OLFM2: variants seen among roughly 807,000 people sequenced by gnomAD.
OLFM2 encodes the protein olfactomedin 2.
Under a neutral mutation model 43.9 loss-of-function variants are expected in OLFM2, and 20 were observed. The ratio of observed to expected loss-of-function variants is 0.46; its 90% CI spans 0.32 to 0.66. The LOEUF is 0.66. Ranked by LOEUF, OLFM2 falls within the 30% of genes least tolerant of loss-of-function variation. The pLI, the probability that OLFM2 is intolerant of heterozygous loss-of-function variation, is 0.04. For synonymous variants in OLFM2, 268 were observed against 278.6 expected (o/e 0.96, Z 0.38); for missense variants, 416 against 643.6 (o/e 0.65, Z 3.83).
At position 9,902,382 on chromosome 19, in the gene OLFM2, C is replaced by CTT. The variant is rs376869987; in HGVS notation, c.63+33920_63+33921dup. ...TATATCTGTGTTTACTTGCCTTCAT[C>CTT]TTTTTTTTTTTTTTTTTTGAGATGG... On this transcript the variant is annotated intron_variant, in intron 1 of 5. Transcript: ENST00000264833. 2.9e-3 allele frequency among the ~76,000 whole-genome samples: 359 copies of CTT among 122,662 alleles called. 6 individuals carry two copies. Among genetic ancestry groups the CTT allele is most frequent in the African/African-American group, 8.8e-3 (285 of 32,382 alleles). 80.5% of individuals were successfully genotyped at this position (122,662 alleles called of 152,430 possible).
At chr19:9,888,249 G>A (rs1452186113) in intron 1 of OLFM2, among the ~76,000 whole-genome samples, 2 of 152,066 alleles carry the variant, frequency 1.3e-5, no homozygotes, top group Non-Finnish European at 2.9e-5. Flanking sequence ...CTGGCCTGGC[G>A]CAGTGGCTCA....
chr19:9,878,381 CTTTTTTTT>C (rs34231833), intron 1 of OLFM2, among the ~76,000 whole-genome samples: 6 of 57,672 alleles, frequency 1.0e-4, no homozygotes, highest in Admixed American at 4.9e-4. Flanking sequence ...TCATTTCTCT[CTTTTTTTT>C]TTTTTTTTTT....
chr19:9,924,479 G>A (rs1488497939), intron 1 of OLFM2, among the ~76,000 whole-genome samples: 2 of 146,642 alleles, frequency 1.4e-5, no homozygotes, highest in African/African-American at 5.1e-5. Flanking sequence ...GGCTGGTCTC[G>A]AACTCCTGGG....
intron 1 of OLFM2, among the ~76,000 whole-genome samples, chr19:9,920,624 G>A (rs1230230341): frequency 3.9e-5 from 6 of 151,906 alleles, no homozygotes; most frequent in South Asian, 4.2e-4. Flanking sequence ...GGCTAGGCGC[G>A]GTGGCTCATG....
At chr19:9,877,535 AAAATAAATAAATAAATAAATAAAT>A (rs71188850) in intron 1 of OLFM2, among the ~76,000 whole-genome samples, 22 of 147,472 alleles carry the variant, frequency 1.5e-4, no homozygotes, top group Non-Finnish European at 2.4e-4. Context: ...CTCTGTCTCA[AAAATAAATAAATAAATAAATAAAT>A]AAATAAATAA....
chr19:9,919,721 A>G (rs2086408037), intron 1 of OLFM2, among the ~76,000 whole-genome samples: 1 of 149,346 alleles, frequency 6.7e-6, no homozygotes, highest in African/African-American at 2.5e-5. Context: ...ACCTCAGGTG[A>G]TCCTCCTGCC....
intron 1 of OLFM2, among the ~76,000 whole-genome samples, chr19:9,879,185 T>C (rs113025769): frequency 1.9e-4 from 29 of 152,276 alleles, no homozygotes; most frequent in African/African-American, 6.3e-4. Context: ...GTTACCCAGG[T>C]ACAATGGCGC....
At position 9,914,536 on chromosome 19, in the gene OLFM2, T is replaced by C. The variant is rs566666120; in HGVS notation, c.63+21768A>G. ...CCCACGACTACCAAGGGCAGTTTCC[T>C]ACCCAGGGACCACGGAGACCTGGCA... is the stretch of plus-strand genomic sequence containing the variant. On this transcript the variant is annotated intron_variant, in intron 1 of 5. Transcript: ENST00000264833. 9.1e-4 allele frequency among the ~76,000 whole-genome samples: 138 copies of C among 151,820 alleles called. 1 individual carries two copies. The highest frequency in any genetic ancestry group is 3.2e-3 in the African/African-American group (134 of 41,436).
At chr19:9,876,291 G>A (rs73921154) in intron 1 of OLFM2, among the ~76,000 whole-genome samples, 7,327 of 152,218 alleles carry the variant, frequency 0.048, 595 homozygotes, top group African/African-American at 0.17. Context: ...CGCCATGGGG[G>A]ACATTTAACT....
chr19:9,855,397 C>G (rs187618346), intron 5 of OLFM2, among the ~76,000 whole-genome samples: 1 of 151,790 alleles, frequency 6.6e-6, no homozygotes, highest in Admixed American at 6.6e-5. Flanking sequence ...CATCCCACCA[C>G]ACCCGGCTAA....
intron 1 of OLFM2, among the ~76,000 whole-genome samples, chr19:9,924,329 CCG>C (rs2086438760): frequency 2.0e-5 from 3 of 147,246 alleles, no homozygotes; most frequent in Non-Finnish European, 4.5e-5. Context: ...TGGCGTGAAC[CCG>C]GGAGGCGGAG....
At chr19:9,879,423 T>C (rs10418568) in intron 1 of OLFM2, among the ~76,000 whole-genome samples, 121,302 of 151,756 alleles carry the variant, frequency 0.8, 49,848 homozygotes, top group Non-Finnish European at 0.9. Context: ...TGAGCCACCG[T>C]ACCCAGCCAA....
intron 1 of OLFM2, among the ~76,000 whole-genome samples, chr19:9,916,780 C>T (rs950618635): frequency 2.0e-5 from 3 of 152,170 alleles, no homozygotes; most frequent in African/African-American, 7.2e-5. Flanking sequence ...ACCTCCCCAA[C>T]GTTTCCAAAA....
At chr19:9,896,227 A>T (rs113098768) in intron 1 of OLFM2, among the ~76,000 whole-genome samples, 61,763 of 148,896 alleles carry the variant, frequency 0.41, 13,247 homozygotes, top group Admixed American at 0.54. Context: ...CAGCCTCCCG[A>T]GTAGCTGGGA....
rs141590743 is a variant in OLFM2 at position 9,878,949 on chromosome 19, C to T, written c.64-18155G>A. 5.6e-3 allele frequency among the ~76,000 whole-genome samples: 855 copies of T among 152,110 alleles called. 3 individuals carry two copies. The highest frequency in any genetic ancestry group is 8.6e-3 in the Admixed American group (131 of 15,258). On this transcript the variant is annotated intron_variant, in intron 1 of 5. Coordinates refer to ENST00000264833, the MANE Select transcript of OLFM2 (RefSeq NM_058164.4). ...GCAGCCTCAACCTCCTGGACTCAAG[C>T]GATCCTCCCACCTCGGCCTCCTGAG...
chr19:9,888,140 A>C (rs141655959), intron 1 of OLFM2, among the ~76,000 whole-genome samples: 1 of 152,126 alleles, frequency 6.6e-6, no homozygotes, highest in South Asian at 2.1e-4. Flanking sequence ...TATTTCTTCT[A>C]TATCACCTCT....
chr19:9,918,555 T>C (rs2086400148), intron 1 of OLFM2, among the ~76,000 whole-genome samples: 1 of 152,128 alleles, frequency 6.6e-6, no homozygotes, highest in Admixed American at 6.6e-5. Flanking sequence ...CATATGTCTA[T>C]GAAAAGACCT....
intron 1 of OLFM2, among the ~76,000 whole-genome samples, chr19:9,917,493 G>C (rs1362866013): frequency 6.6e-6 from 1 of 152,178 alleles, no homozygotes; most frequent in Non-Finnish European, 1.5e-5. Context: ...GGAGATTGGA[G>C]AGGAAGGCAG....
In OLFM2 at chr19:9,860,791, G is replaced by C. The variant is rs757614291; in HGVS notation, c.67C>G (p.Leu23Val). The change falls in exon 2 of 6, where the codon CTC (leucine) becomes GTC (valine). Residue 23 changes from leucine to valine, a missense_variant. By Grantham distance (32) the Leu-to-Val change is conservative (BLOSUM62 1). Transcript: ENST00000264833. ...CAGCCCTCTTCTGGGTTCTGGAAGA[G>C]AGTCTGCAAAGAGGTGGGGGTCAGA... Reference protein sequence around the residue: ...LLCSGLAGQTLFQNPEEGWQL... With the variant: ...LLCSGLAGQTVFQNPEEGWQL... The C allele has an allele frequency of 7.5e-6, 12 of 1,605,122 alleles. No individual in the cohort carries two copies. Among genetic ancestry groups the C allele is most frequent in the East Asian group, 2.2e-5 (1 of 44,754 alleles).
Sources: allele counts gnomAD v4.1 joint callset (sites outside exome capture counted in the v4.1 genomes callset), GRCh38; gene constraint gnomAD v4.1.1; transcripts MANE v1.5; gene names NCBI Gene and HGNC (gene_info 2026-07-23, HGNC 2026-07-21).